Variants in FHIP1B observed in about 807,000 individuals in gnomAD.
FHIP1B encodes FHF complex subunit HOOK-interacting protein 1B.
Under a neutral mutation model 82.2 loss-of-function variants are expected in FHIP1B, and 28 were observed. The ratio of observed to expected loss-of-function variants is 0.34; its 90% CI spans 0.25 to 0.47. The LOEUF (loss-of-function observed/expected upper bound fraction) is 0.47, where lower values mean the gene tolerates loss of function less well. Ranked by LOEUF, FHIP1B falls within the 20% of genes least tolerant of loss-of-function variation. FHIP1B has a pLI of 1.00. For synonymous variants in FHIP1B, 585 were observed against 516.1 expected (o/e 1.13, Z -1.81); for missense variants, 1,110 against 1,262.6 (o/e 0.88, Z 1.83).
In FHIP1B at chr11:6,218,207, T is replaced by G. The variant is rs947074411; in HGVS notation, c.1436-57A>C. The stretch of plus-strand genomic sequence containing the variant: ...GGAGACAGAGGTTCAGAAGGAGAGA[T>G]AAGACACCTCGGGAGACTAAGAAAG... On this transcript the variant is annotated intron_variant, in intron 8 of 11. Coordinates refer to ENST00000449352, the MANE Select transcript of FHIP1B (RefSeq NM_001098794.2). 8.4e-6 allele frequency: 13 copies of G among 1,547,368 alleles called. No individual in the cohort carries two copies. In the South Asian group the frequency reaches 8.6e-5, roughly 10 times the overall value.
intron 11 of FHIP1B, 102 bp downstream of exon 11, chr11:6,214,309 T>G: frequency 7.4e-7 from 1 of 1,359,520 alleles, no homozygotes; most frequent in Non-Finnish European, 1.0e-6. Context: ...TACAACTCAC[T>G]AGGTCCTGGC....
At chr11:6,226,732 G>A (rs1847575104) in intron 1 of FHIP1B, among the ~76,000 whole-genome samples, 2 of 152,164 alleles carry the variant, frequency 1.3e-5, no homozygotes, top group Admixed American at 1.3e-4. Context: ...TGTGGGTGAC[G>A]GTTATAAGTA....
intron 1 of FHIP1B, among the ~76,000 whole-genome samples, chr11:6,232,612 C>G (rs1160337501): frequency 6.6e-6 from 1 of 152,154 alleles, no homozygotes; most frequent in Non-Finnish European, 1.5e-5. Context: ...AATGAAAGTT[C>G]CTGTCTTTGT....
At chr11:6,219,638 G>C (rs1847351349) in intron 6 of FHIP1B, among the ~76,000 whole-genome samples, 1 of 152,172 alleles carries the variant, frequency 6.6e-6, no homozygotes, top group South Asian at 2.1e-4. Context: ...AAAAGTAGGT[G>C]GGTCAAGATT....
At position 6,224,255 on chromosome 11, in the gene FHIP1B, A is replaced by G. The variant is rs754485051; in HGVS notation, c.139-7T>C. The G allele has an allele frequency of 6.2e-7, 1 of 1,610,906 alleles. No individual in the cohort carries two copies. Among genetic ancestry groups the G allele is most frequent in the Non-Finnish European group, 8.5e-7 (1 of 1,178,136 alleles). On this transcript the variant is annotated splice_region_variant and splice_polypyrimidine_tract_variant and intron_variant, in intron 2 of 11. Coordinates refer to ENST00000449352, the MANE Select transcript of FHIP1B (RefSeq NM_001098794.2). ...GCTCCAGGATTCGCACCACCTAGGG[A>G]AAAAGGACAGAAGATGGAAGGAATC...
At chr11:6,229,007 C>CTT (rs1371080405) in intron 1 of FHIP1B, among the ~76,000 whole-genome samples, 1 of 152,224 alleles carries the variant, frequency 6.6e-6, no homozygotes, top group Non-Finnish European at 1.5e-5. Flanking sequence ...CTATCCATAT[C>CTT]TTTGTAAATA....
chr11:6,222,825 G>A lies in FHIP1B; in HGVS notation c.1009C>T (p.Pro337Ser). The change falls in exon 5 of 12, where the codon CCT becomes TCT. Residue 337 changes from proline (P) to serine (S), a missense_variant. By Grantham distance (74) the Pro-to-Ser change is moderately conservative. Coordinates refer to ENST00000449352, the MANE Select transcript of FHIP1B (RefSeq NM_001098794.2). ...ATGACTCTCACCTTGTGCAAGGCAG[G>A]ACCCATGACAGGCACCAGGAACCCA... ...HNGFLVPVMGPALHKTSVEEM... is the reference protein window; with the variant it reads ...HNGFLVPVMGSALHKTSVEEM... 1 of 1,614,118 alleles carries A rather than the reference G, an allele frequency of 6.2e-7. No homozygotes were observed. The highest frequency in any genetic ancestry group is 8.5e-7 in the Non-Finnish European group (1 of 1,179,986).
At position 6,222,914 on chromosome 11, in the gene FHIP1B, G is replaced by C. The variant is rs1172185241; in HGVS notation, c.937-17C>G. ...GTGAGCCACCTGTAGGAGTGCCAGAGAGAAGGGGGAGGGTTATGAGGAGAC... is the reference window on the plus strand; with the variant it reads ...GTGAGCCACCTGTAGGAGTGCCAGACAGAAGGGGGAGGGTTATGAGGAGAC... On this transcript the variant is annotated splice_polypyrimidine_tract_variant and intron_variant, in intron 4 of 11. Transcript: ENST00000449352. 1 of 1,612,572 alleles carries C rather than the reference G, an allele frequency of 6.2e-7. No homozygotes were observed. The highest frequency in any genetic ancestry group is 8.5e-7 in the Non-Finnish European group (1 of 1,178,568).
At chr11:6,227,870 GA>G (rs1327306274) in intron 1 of FHIP1B, among the ~76,000 whole-genome samples, 3 of 152,192 alleles carry the variant, frequency 2.0e-5, no homozygotes, top group Non-Finnish European at 4.4e-5. Context: ...AGACATCAAA[GA>G]AAGGAAGTTT....
chr11:6,217,712 T>G lies in FHIP1B; in HGVS notation c.1874A>C (p.Glu625Ala). 3.7e-6 allele frequency: 6 copies of G among 1,610,908 alleles called. No individual in the cohort carries two copies. The highest frequency in any genetic ancestry group is 5.1e-6 in the Non-Finnish European group (6 of 1,178,442). Residue 625 changes from glutamate (E) to alanine (A), a missense_variant, in exon 9 of 12, where the codon GAG becomes GCG. By Grantham distance (107) the Glu-to-Ala change is moderately radical. Coordinates refer to ENST00000449352, the MANE Select transcript of FHIP1B (RefSeq NM_001098794.2). ...GRRGRAGGAG[E>A]GPGHLPPPQL... is the part of the protein sequence containing the mutation. ...GGGAGGGGGCAGGTGACCAGGGCCCTCCCCTGCACCCCCAGCCCGCCCCCT... is the reference window on the plus strand; with the variant it reads ...GGGAGGGGGCAGGTGACCAGGGCCCGCCCCTGCACCCCCAGCCCGCCCCCT...
At chr11:6,226,993 G>A (rs746317982) in intron 1 of FHIP1B, among the ~76,000 whole-genome samples, 11 of 152,096 alleles carry the variant, frequency 7.2e-5, no homozygotes, top group Non-Finnish European at 1.2e-4. Flanking sequence ...TCTGAGATTC[G>A]CCTCTATCTT....
At chr11:6,222,992 A>G in intron 4 of FHIP1B, 88 bp downstream of exon 4, 2 of 1,579,974 alleles carry the variant, frequency 1.3e-6, no homozygotes, top group South Asian at 2.2e-5. Context: ...TCCTACTTCC[A>G]AGATGGAAAA....
At chr11:6,231,038 T>C (rs1241126790) in intron 1 of FHIP1B, among the ~76,000 whole-genome samples, 1 of 152,240 alleles carries the variant, frequency 6.6e-6, no homozygotes, top group African/African-American at 2.4e-5. Flanking sequence ...AGATCAGATG[T>C]GTATTTTCAG....
rs776935007 is a variant in FHIP1B, at chr11:6,217,736, C to T, written c.1850G>A (p.Arg617Lys). The change falls in exon 9 of 12, where the codon AGG becomes AAG. Residue 617 changes from arginine (R) to lysine (K), a missense_variant. Around this residue, in one of 6 missense-constraint regions of FHIP1B, gnomAD observed 418 missense variants for 371.4 expected, o/e 1.13. Coordinates refer to ENST00000449352, the MANE Select transcript of FHIP1B (RefSeq NM_001098794.2). ...GEGEEEELGR[R>K]GRAGGAGEGP... ...CTCCCCTGCACCCCCAGCCCGCCCC[C>T]TCCTCCCCAGCTCTTCCTCCTCCCC... 6.7e-5 allele frequency: 107 copies of T among 1,603,108 alleles called. No individual in the cohort carries two copies. The highest frequency in any genetic ancestry group is 8.5e-5 in the Non-Finnish European group (100 of 1,173,334).
At position 6,211,466 on chromosome 11, in the gene FHIP1B, G is replaced by T. The variant is rs759314570; in HGVS notation, c.*40C>A. On this transcript the variant is annotated 3_prime_UTR_variant, in exon 12 of 12. Coordinates refer to ENST00000449352, the MANE Select transcript of FHIP1B (RefSeq NM_001098794.2). ...AAAAGGAGCCTGTGCCCTAGCCCCA[G>T]CCCGGGCCACCCATGGCCCTGATTG... The T allele has an allele frequency of 6.5e-7, 1 of 1,528,732 alleles. No homozygotes were observed. Among genetic ancestry groups the T allele is most frequent in the Admixed American group, 2.3e-5 (1 of 44,318 alleles). The allele number at this position is 1,528,732 out of a possible 1,614,324, so 94.7% of individuals were successfully genotyped here.
rs1235935106 is a variant in FHIP1B at position 6,224,033 on chromosome 11, C to G, written c.354G>C (p.Glu118Asp). The change falls in exon 3 of 12, where the codon GAG (glutamate) becomes GAC (aspartate). Residue 118 changes from glutamate (E) to aspartate (D), a missense_variant. Glu to Asp is a conservative substitution (Grantham distance 45, BLOSUM62 2). Around this residue, in one of 6 missense-constraint regions of FHIP1B, gnomAD observed 467 missense variants for 602.9 expected, o/e 0.77. Transcript: ENST00000449352. ...RVLTWQLQWD[E>D]LGDGVEERRA... ...GCCGTTCCTCGACCCCATCCCCAAG[C>G]TCATCCCATTGCAGCTGCCATGTCA... 1.2e-6 allele frequency: 2 copies of G among 1,613,634 alleles called. No homozygotes were observed. The highest frequency in any genetic ancestry group is 1.7e-5 in the Admixed American group (1 of 59,980).
rs1450655826 is a variant in FHIP1B at position 6,218,628 on chromosome 11, A to G, written c.1407T>C (p.Pro469=). The change falls in exon 8 of 12, where the codon CCT becomes CCC. Residue 469 remains proline (P), a synonymous_variant. Transcript: ENST00000449352. ...GTGCCCATGAGGCATGCTCTGGACG[A>G]GGTGGGCTGGGGGCGTGGTGCCGAC... ...RCCRHHAPSP[P]RPEHASWARG... 6.2e-7 allele frequency: 1 copy of G among 1,614,080 alleles called. No homozygotes were observed. The highest frequency in any genetic ancestry group is 8.5e-7 in the Non-Finnish European group (1 of 1,180,014).
At chr11:6,216,246 G>A (rs1847222604) in intron 9 of FHIP1B, among the ~76,000 whole-genome samples, 1 of 152,246 alleles carries the variant, frequency 6.6e-6, no homozygotes, top group South Asian at 2.1e-4. Flanking sequence ...CCCTGGTGCT[G>A]TATGAGCAGG....
chr11:6,231,343 C>G (rs1410552983), intron 1 of FHIP1B, among the ~76,000 whole-genome samples: 3 of 151,498 alleles, frequency 2.0e-5, no homozygotes, highest in African/African-American at 7.3e-5. Flanking sequence ...ACTATGAATT[C>G]TGTTTTGGAC....
Sources: gnomAD v4.1 joint callset for allele counts (sites outside exome capture counted in the v4.1 genomes callset) on GRCh38, gnomAD v4.1.1 for gene constraint, gnomAD v4.1.1 regional missense constraint, MANE v1.5 for transcripts, NCBI Gene and HGNC (gene_info 2026-07-23, HGNC 2026-07-21) for gene names.